HEXA: variants seen among roughly 807,000 people sequenced by gnomAD.
The protein encoded by HEXA is beta-hexosaminidase subunit alpha.
Under a neutral mutation model 73.3 loss-of-function variants are expected in HEXA, and 54 were observed. The observed-to-expected ratio is 0.74, with a 90% CI of 0.59 to 0.92. The LOEUF is 0.92. Among genes scored for constraint, HEXA ranks in the 40% least tolerant of loss-of-function variants. HEXA has a pLI of 0.00. For synonymous variants in HEXA, 230 were observed against 246.9 expected (o/e 0.93, Z 0.64); for missense variants, 649 against 653.0 (o/e 0.99, Z 0.07).
chr15:72,354,886 A>T (rs1002185897), intron 3 of HEXA: 1 of 153,886 alleles, frequency 6.5e-6, no homozygotes, highest in Non-Finnish European at 1.4e-5. Context: ...TAGCCAGTAA[A>T]CTCATTTTCT....
At position 72,346,220 on chromosome 15, in the gene HEXA, C is replaced by A. The variant is rs185764548; in HGVS notation, c.1421+15G>T. 1.1e-4 allele frequency: 174 copies of A among 1,603,968 alleles called. No homozygotes were observed. The highest frequency in any genetic ancestry group is 4.0e-4 in the East Asian group (18 of 44,830). On this transcript the variant is annotated intron_variant, in intron 12 of 13. Transcript: ENST00000268097. ...CTCAGGCCCAACCCTCCACCTCCCC[C>A]CCGAAAACCCTTACCAGAGCCTGGG...
rs2088568037 is a variant in HEXA, at chr15:72,343,039, G to A, written c.*1038C>T. ...GATCGAGACCATCCTGGCTAACACGGAGAAACCCCATCTCTACTAAAAATA... is the reference window on the plus strand; with the variant it reads ...GATCGAGACCATCCTGGCTAACACGAAGAAACCCCATCTCTACTAAAAATA... On this transcript the variant is annotated 3_prime_UTR_variant, in exon 14 of 14. Coordinates refer to ENST00000268097, the MANE Select transcript of HEXA (RefSeq NM_000520.6). 1 of 152,200 alleles carries A rather than the reference G, an allele frequency of 6.6e-6. No homozygotes were observed. The allele number at this position is 152,200 out of a possible 1,614,324, so 9.4% of individuals were successfully genotyped here.
chr15:72,349,428 T>A (rs573868884), intron 7 of HEXA, among the ~76,000 whole-genome samples, 169 bp from the exon 8 acceptor site: 1 of 152,332 alleles, frequency 6.6e-6, no homozygotes, highest in East Asian at 1.9e-4. Context: ...GTCACCACCA[T>A]TTAGTCACAG....
chr15:72,344,006 G>A lies in HEXA; in HGVS notation c.*71C>T, dbSNP rs1487370082. 1 of 1,338,698 alleles carries A rather than the reference G, an allele frequency of 7.5e-7. No homozygotes were observed. Among genetic ancestry groups the A allele is most frequent in the Non-Finnish European group, 1.1e-6 (1 of 931,258 alleles). The allele number at this position is 1,338,698 out of a possible 1,614,324, so 82.9% of individuals were successfully genotyped here. On this transcript the variant is annotated 3_prime_UTR_variant, in exon 14 of 14. Transcript: ENST00000268097. ...CGAAGGCAAGGGGCTCCGTCCCCTGGCCAGGATGCAGTGGAAGCCTGGCTC... is the reference window on the plus strand; with the variant it reads ...CGAAGGCAAGGGGCTCCGTCCCCTGACCAGGATGCAGTGGAAGCCTGGCTC...
rs111559120 is a variant in HEXA at position 72,356,333 on chromosome 15, A to G, written c.346+192T>C. Among the ~76,000 whole-genome samples, 957 of 152,318 alleles carry G rather than the reference A, an allele frequency of 6.3e-3. 5 individuals are homozygous for G. The highest frequency in any genetic ancestry group is 0.011 in the Non-Finnish European group (780 of 68,016). On this transcript the variant is annotated intron_variant, in intron 2 of 13. Coordinates refer to ENST00000268097, the MANE Select transcript of HEXA (RefSeq NM_000520.6). ...AGAGCCAGTGTGATGTTCCACAGCC[A>G]ACCTTTAGCACTGGTTAAGTTTCTG...
chr15:72,346,891 G>C, intron 10 of HEXA, 181 bp from the exon 11 acceptor site: 1 of 650,166 alleles, frequency 1.5e-6, no homozygotes. Context: ...AGGAATCCAG[G>C]GCCCTAAGAG....
At chr15:72,345,331 C>T (rs1368904867) in intron 13 of HEXA, 115 bp downstream of exon 13, 1 of 1,545,112 alleles carries the variant, frequency 6.5e-7, no homozygotes, top group Non-Finnish European at 8.7e-7. Flanking sequence ...TGAGGGCTGA[C>T]TATAAGCCTC....
chr15:72,359,692 T>TC (rs2088827677), intron 1 of HEXA: 2 of 3,494 alleles, frequency 5.7e-4, no homozygotes, highest in Non-Finnish European at 1.2e-3. Context: ...TGAAACTGTC[T>TC]CAAAAAAAAA....
chr15:72,366,944 T>G (rs1324524515), intron 1 of HEXA, among the ~76,000 whole-genome samples: 1 of 152,022 alleles, frequency 6.6e-6, no homozygotes, highest in Non-Finnish European at 1.5e-5. Context: ...CACTGTTTTT[T>G]TTTTGTTTTG....
chr15:72,342,084 G>T lies in HEXA; in HGVS notation c.*1993C>A, dbSNP rs2088559640. On this transcript the variant is annotated 3_prime_UTR_variant, in exon 14 of 14. Coordinates refer to ENST00000268097, the MANE Select transcript of HEXA (RefSeq NM_000520.6). ...GGGAAGCAGGGTCGCACCTGTGCAG[G>T]GTCCTTGTCTGCGGACCACCCCTCC... The T allele has an allele frequency of 6.6e-6, 1 of 152,112 alleles. No homozygotes were observed. The highest frequency in any genetic ancestry group is 2.4e-5 in the African/African-American group (1 of 41,404). The allele number at this position is 152,112 out of a possible 1,614,324, so 9.4% of individuals were successfully genotyped here.
Position 72,353,072 on chromosome 15 carries a change from G to A in HEXA, c.566C>T (p.Thr189Ile). 6.3e-7 allele frequency: 1 copy of A among 1,596,744 alleles called. No individual in the cohort carries two copies. Among genetic ancestry groups the A allele is most frequent in the South Asian group, 1.1e-5 (1 of 90,748 alleles). The stretch of plus-strand genomic sequence containing the variant: ...AAGGCCTTAAGGCCTGGTTACCAGA[G>A]TGTCCAGGATGCTAGAGAGTGGCAG... ...HYLPLSSILD[T>I]LDVMAYNKLN... The change falls in exon 5 of 14, where the codon ACT (threonine) becomes ATT (isoleucine). Residue 189 changes from threonine (T) to isoleucine (I), a missense_variant. Transcript: ENST00000268097.
At chr15:72,362,940 T>C (rs1397295859) in intron 1 of HEXA, among the ~76,000 whole-genome samples, 9 of 152,204 alleles carry the variant, frequency 5.9e-5, no homozygotes, top group Admixed American at 2.6e-4. Flanking sequence ...CTGATTTTGC[T>C]TCTGGATTGA....
At chr15:72,371,056 AG>A (rs2088985174) in intron 1 of HEXA, among the ~76,000 whole-genome samples, 1 of 152,174 alleles carries the variant, frequency 6.6e-6, no homozygotes, top group South Asian at 2.1e-4. Context: ...GAAAGGTTAA[AG>A]TATAGTTAGC....
chr15:72,367,802 T>A (rs1234133022), intron 1 of HEXA, among the ~76,000 whole-genome samples: 1 of 152,192 alleles, frequency 6.6e-6, no homozygotes, highest in Non-Finnish European at 1.5e-5. Flanking sequence ...CCACGCGCAG[T>A]TCTTTCTATG....
chr15:72,365,306 A>G (rs1233380433), intron 1 of HEXA, among the ~76,000 whole-genome samples: 1 of 152,038 alleles, frequency 6.6e-6, no homozygotes, highest in Non-Finnish European at 1.5e-5. Context: ...TCACCATGTT[A>G]GCCAGGATGG....
At chr15:72,375,687 G>A (rs2089054264) in intron 1 of HEXA, 33 bp downstream of exon 1, 1 of 1,613,042 alleles carries the variant, frequency 6.2e-7, no homozygotes, top group African/African-American at 1.3e-5. Flanking sequence ...CACTCTCAGG[G>A]CCCAGGAACA....
intron 13 of HEXA, among the ~76,000 whole-genome samples, chr15:72,344,780 T>TG (rs2088588376): frequency 6.6e-6 from 1 of 152,208 alleles, no homozygotes; most frequent in Non-Finnish European, 1.5e-5. Context: ...CACTAGGCTA[T>TG]GTCCCCCAAG....
In HEXA at chr15:72,346,684, C is replaced by G. The variant is rs575836910; in HGVS notation, c.1173G>C (p.Val391=). ...VKIQPDTIIQ[V]WREDIPVNYM... is the part of the protein sequence containing the mutation. ...AGTTCACTGGAATATCCTCTCGCCA[C>G]ACCTGTATGATTGTGTCTGGCTGAA... The change falls in exon 11 of 14, where the codon GTG becomes GTC. Residue 391 remains valine, a synonymous_variant. Transcript: ENST00000268097. 1.2e-6 allele frequency: 2 copies of G among 1,614,148 alleles called. No individual in the cohort carries two copies. Among genetic ancestry groups the G allele is most frequent in the South Asian group, 2.2e-5 (2 of 91,080 alleles).
chr15:72,351,287 C>T, intron 5 of HEXA, 53 bp from the exon 6 acceptor site: 2 of 1,250,210 alleles, frequency 1.6e-6, no homozygotes, highest in South Asian at 2.4e-5. Flanking sequence ...CGGTTTCAGC[C>T]TCAAACTTGC....
Sources: allele counts gnomAD v4.1 joint callset (sites outside exome capture counted in the v4.1 genomes callset), GRCh38; gene constraint gnomAD v4.1.1; transcripts MANE v1.5; gene names NCBI Gene and HGNC (gene_info 2026-07-23, HGNC 2026-07-21).